TICRR: variants seen among roughly 807,000 people sequenced by gnomAD.
TICRR encodes TOPBP1 interacting checkpoint and replication regulator, also known as treslin.
A neutral mutation model predicts 178.1 loss-of-function variants in TICRR; 132 were observed. The observed-to-expected ratio is 0.74, with a 90% confidence interval of 0.64 to 0.86. The LOEUF (loss-of-function observed/expected upper bound fraction) is 0.86, where lower values mean the gene tolerates loss of function less well. TICRR is among the 40% of genes least tolerant of loss of function. The pLI is 0.00. For missense variants in TICRR, 2,587 were observed against 2,334.3 expected, an observed-to-expected ratio of 1.11 and a Z score of -2.23; for synonymous variants, 991 against 900.7, an observed-to-expected ratio of 1.10 and a Z score of -1.79.
chr15:89,624,491 G>A lies in TICRR; in HGVS notation c.4181G>A (p.Ser1394Asn). 6.2e-7 allele frequency: 1 copy of A among 1,614,106 alleles called. No homozygotes were observed. The highest frequency in any genetic ancestry group is 1.1e-5 in the South Asian group (1 of 91,078). Residue 1394 changes from serine to asparagine, a missense_variant, in exon 20 of 22, where the codon AGC (serine) becomes AAC (asparagine). Ser to Asn is a conservative substitution (Grantham distance 46). Coordinates refer to ENST00000268138, the MANE Select transcript of TICRR (RefSeq NM_152259.4). The part of the protein sequence containing the change: ...RCRKTSDPRR[S>N]IVECQPDASA... ...AGAAAGACCTCTGATCCCAGAAGGAGCATCGTGGAGTGTCAGCCTGATGCC... is the reference window on the plus strand; with the variant it reads ...AGAAAGACCTCTGATCCCAGAAGGAACATCGTGGAGTGTCAGCCTGATGCC...
intron 15 of TICRR, among the ~76,000 whole-genome samples, chr15:89,610,952 TCTGCTA>T (rs1305621186): frequency 6.6e-6 from 1 of 152,178 alleles, no homozygotes; most frequent in Non-Finnish European, 1.5e-5. Context: ...TAATATACAC[TCTGCTA>T]CTATGTATTT....
intron 11 of TICRR, 43 bp from the exon 12 acceptor site, chr15:89,601,694 G>A (rs1567045720): frequency 6.2e-7 from 1 of 1,613,158 alleles, no homozygotes; most frequent in Admixed American, 1.7e-5. Flanking sequence ...AATAGAGAGG[G>A]TAAGATGGTA....
At chr15:89,612,445 T>G (rs974020141) in intron 15 of TICRR, among the ~76,000 whole-genome samples, 2 of 152,232 alleles carry the variant, frequency 1.3e-5, no homozygotes, top group Non-Finnish European at 2.9e-5. Flanking sequence ...CCCCAATTTT[T>G]GGAGGACGAG....
intron 7 of TICRR, among the ~76,000 whole-genome samples, chr15:89,598,884 G>A (rs563633631): frequency 6.6e-6 from 1 of 152,200 alleles, no homozygotes. Context: ...GCACATGCTT[G>A]TGGTCCCAGC....
At chr15:89,598,949 TGTG>T (rs1350798015) in intron 7 of TICRR, among the ~76,000 whole-genome samples, 1 of 152,126 alleles carries the variant, frequency 6.6e-6, no homozygotes, top group Non-Finnish European at 1.5e-5. Context: ...AGGTGGAGGT[TGTG>T]GTGAGCCGAG....
rs570769785 is a variant in TICRR, at chr15:89,611,587, TTCC to T, written c.2869+2643_2869+2645del. On this transcript the variant is annotated intron_variant, in intron 15 of 21. Coordinates refer to ENST00000268138, the MANE Select transcript of TICRR (RefSeq NM_152259.4). ...AATTTTCTGCCACTTTTGGTCTCATTTCCTCCTTAGACTCCCATGATATATGTG... is the reference window on the plus strand; with the variant it reads ...AATTTTCTGCCACTTTTGGTCTCATTTCCTTAGACTCCCATGATATATGTG... Among the ~76,000 whole-genome samples the T allele has an allele frequency of 5.9e-5, 9 of 152,270 alleles. No individual in the cohort carries two copies. In the South Asian group the frequency reaches 1.7e-3, roughly 28 times the overall value.
rs768778631 is a variant in TICRR, at chr15:89,625,919, A to T, written c.5477-17A>T. 6.4e-7 allele frequency: 1 copy of T among 1,554,914 alleles called. No homozygotes were observed. Among genetic ancestry groups the T allele is most frequent in the Admixed American group, 2.0e-5 (1 of 49,410 alleles). ...GGGGTCTGGGGACGCTGCTCTTACT[A>T]TGTGGGATCTCTTTAGGCTCCACCC... is the stretch of plus-strand genomic sequence containing the variant. On this transcript the variant is annotated splice_polypyrimidine_tract_variant and intron_variant, in intron 20 of 21. Transcript: ENST00000268138.
intron 4 of TICRR, among the ~76,000 whole-genome samples, chr15:89,587,024 A>T (rs1451251128): frequency 6.6e-6 from 1 of 152,224 alleles, no homozygotes; most frequent in Non-Finnish European, 1.5e-5. Context: ...CAGACATATT[A>T]CAATAATCCA....
At chr15:89,621,982 C>T (rs867052240) in intron 19 of TICRR, among the ~76,000 whole-genome samples, 5 of 87,742 alleles carry the variant, frequency 5.7e-5, no homozygotes, top group East Asian at 3.0e-4. Context: ...CAAACTGACT[C>T]TTTTTTTTTT....
At position 89,626,948 on chromosome 15, in the gene TICRR, T is replaced by G; in HGVS notation, c.5603-8T>G. ...TCCTGCATGCTAAGCCTTTCTACCT[T>G]CTTCTAGATGAGGATGTGGATGTTC... is the stretch of plus-strand genomic sequence containing the variant. On this transcript the variant is annotated splice_polypyrimidine_tract_variant and splice_region_variant and intron_variant, in intron 21 of 21. Coordinates refer to ENST00000268138, the MANE Select transcript of TICRR (RefSeq NM_152259.4). 2.5e-6 allele frequency: 4 copies of G among 1,613,290 alleles called. No homozygotes were observed. Among genetic ancestry groups the G allele is most frequent in the Non-Finnish European group, 3.4e-6 (4 of 1,179,470 alleles).
At chr15:89,577,322 C>A (rs890464708) in intron 1 of TICRR, among the ~76,000 whole-genome samples, 1 of 152,104 alleles carries the variant, frequency 6.6e-6, no homozygotes, top group Non-Finnish European at 1.5e-5. Context: ...GGCGGTGAGG[C>A]CCCCTGCTCC....
intron 1 of TICRR, among the ~76,000 whole-genome samples, chr15:89,579,001 A>T: frequency 6.6e-6 from 1 of 152,200 alleles, no homozygotes; most frequent in African/African-American, 2.4e-5. Flanking sequence ...TGGGAAGTAG[A>T]ACTGGGAGAA....
At chr15:89,601,106 A>C (rs189900359) in intron 9 of TICRR, among the ~76,000 whole-genome samples, 192 bp from the exon 10 acceptor site, 1 of 151,306 alleles carries the variant, frequency 6.6e-6, no homozygotes, top group African/African-American at 2.4e-5. Context: ...TTTGTAGCCA[A>C]TTCTTTTTTA....
chr15:89,611,136 T>C (rs779486294), intron 15 of TICRR, among the ~76,000 whole-genome samples: 23 of 152,172 alleles, frequency 1.5e-4, no homozygotes, highest in Non-Finnish European at 2.1e-4. Flanking sequence ...TTTCTTCTCA[T>C]GGCTTTGAGT....
rs746968359 is a variant in TICRR, at chr15:89,623,951, A to C, written c.3641A>C (p.His1214Pro). The C allele has an allele frequency of 6.2e-7, 1 of 1,614,084 alleles. No individual in the cohort carries two copies. The highest frequency in any genetic ancestry group is 8.5e-7 in the Non-Finnish European group (1 of 1,180,004). The change falls in exon 20 of 22, where the codon CAT becomes CCT. Residue 1214 changes from histidine to proline, a missense_variant. By Grantham distance (77) the His-to-Pro change is moderately conservative. Transcript: ENST00000268138. Reference sequence around the variant, plus strand: ...TTTTTGCCAAACTGTACTTGGCCACATTCAGTGAATTCCAGTCCAGAAAGC... The same window carrying C: ...TTTTTGCCAAACTGTACTTGGCCACCTTCAGTGAATTCCAGTCCAGAAAGC... ...PGFLPNCTWP[H>P]SVNSSPESPS...
intron 4 of TICRR, among the ~76,000 whole-genome samples, chr15:89,589,668 A>G (rs1962878621): frequency 6.6e-6 from 1 of 152,200 alleles, no homozygotes; most frequent in African/African-American, 2.4e-5. Flanking sequence ...ATTTTGTAAT[A>G]TAACAGCAAA....
chr15:89,627,239 T>G lies in TICRR; in HGVS notation c.*153T>G. The G allele has an allele frequency of 3.4e-6, 3 of 879,082 alleles. No individual in the cohort carries two copies. Among genetic ancestry groups the G allele is most frequent in the Middle Eastern group, 3.5e-4 (1 of 2,822 alleles). The allele number at this position is 879,082 out of a possible 1,614,324, so 54.5% of individuals were successfully genotyped here. A position where few individuals can be genotyped will look rare whatever the true frequency, so the allele number is the denominator to read the frequency against. On this transcript the variant is annotated 3_prime_UTR_variant, in exon 22 of 22. Coordinates refer to ENST00000268138, the MANE Select transcript of TICRR (RefSeq NM_152259.4). ...AGGGTTTTCTAATTCCCCTTATGGA[T>G]CCAATCCATCTCCTGGCCCTGCCCC...
intron 15 of TICRR, among the ~76,000 whole-genome samples, chr15:89,610,752 T>C (rs1963244391): frequency 6.6e-6 from 1 of 152,188 alleles, no homozygotes; most frequent in Non-Finnish European, 1.5e-5. Flanking sequence ...TTTTTGTTTC[T>C]CAATTCCTGT....
At chr15:89,618,122 G>C (rs754984889) in intron 16 of TICRR, 30 bp from the exon 17 acceptor site, 2 of 1,606,210 alleles carry the variant, frequency 1.2e-6, no homozygotes, top group African/African-American at 1.3e-5. Context: ...AAGTGGTATG[G>C]AGTAATCCTT....
Sources: allele counts gnomAD v4.1 joint callset (sites outside exome capture counted in the v4.1 genomes callset), GRCh38; gene constraint gnomAD v4.1.1; transcripts MANE v1.5; gene names NCBI Gene and HGNC (gene_info 2026-07-23, HGNC 2026-07-21).